Variants in OXNAD1 observed in about 807,000 individuals in gnomAD.
OXNAD1 encodes oxidoreductase NAD-binding domain-containing protein 1.
A neutral mutation model predicts 32.9 loss-of-function variants in OXNAD1; 34 were observed. That is an observed-to-expected ratio of 1.03 (90% confidence interval 0.79 to 1.38). The LOEUF (loss-of-function observed/expected upper bound fraction) is 1.38, where lower values mean the gene tolerates loss of function less well. Among genes scored for constraint, OXNAD1 ranks in the 40% most tolerant of loss-of-function variants. The pLI is 0.00. For synonymous variants in OXNAD1, 134 were observed against 135.2 expected, an observed-to-expected ratio of 0.99 and a Z score of 0.06; for missense variants, 407 against 379.4, an observed-to-expected ratio of 1.07 and a Z score of -0.60.
intron 4 of OXNAD1, chr3:16,272,277 G>A (rs998392256): frequency 1.3e-5 from 5 of 382,744 alleles, no homozygotes; most frequent in Non-Finnish European, 2.6e-5. Context: ...CCACCTGAAG[G>A]GGTGTCAAGG....
downstream of OXNAD1, among the ~76,000 whole-genome samples, chr3:16,307,642 T>C (rs564200571): frequency 2.6e-5 from 4 of 152,294 alleles, no homozygotes; most frequent in Non-Finnish European, 5.9e-5. Flanking sequence ...AGAAATTTAC[T>C]ATAAAGAGAA....
chr3:16,348,615 G>A lies in OXNAD1; in HGVS notation c.*31-561G>A, dbSNP rs566780624. 2.7e-4 allele frequency among the ~76,000 whole-genome samples: 41 copies of A among 152,238 alleles called. No homozygotes were observed. The highest frequency in any genetic ancestry group is 3.7e-4 in the Non-Finnish European group (25 of 67,996). On this transcript the variant is annotated intron_variant, in intron 9 of 9. Transcript: ENST00000606098. The surrounding 1 kb of genome is among the most constrained non-coding windows in gnomAD (Gnocchi z 6.3). ...TTCCTTTGTAGGATGTCTTCTTCCCGAGGCTCCTTGATGTGTGGGGCCTCA... is the reference window on the plus strand; with the variant it reads ...TTCCTTTGTAGGATGTCTTCTTCCCAAGGCTCCTTGATGTGTGGGGCCTCA...
chr3:16,338,087 A>T (rs527393531), downstream of OXNAD1, among the ~76,000 whole-genome samples: 3 of 152,252 alleles, frequency 2.0e-5, no homozygotes, highest in Admixed American at 2.0e-4. This position sits in a 1 kb window ranked among gnomAD's most constrained non-coding sequence, Gnocchi z 5.3. Flanking sequence ...CATGTGCAAG[A>T]TAACATTCTC....
rs2066372895 is a variant in OXNAD1, at chr3:16,290,688, T to C, written c.291-4168T>C. Among the ~76,000 whole-genome samples the C allele has an allele frequency of 1.3e-5, 2 of 152,238 alleles. No individual in the cohort carries two copies. The highest frequency in any genetic ancestry group is 2.4e-5 in the African/African-American group (1 of 41,452). On this transcript the variant is annotated intron_variant, in intron 5 of 8. Coordinates refer to ENST00000285083, the MANE Select transcript of OXNAD1 (RefSeq NM_138381.5). The surrounding 1 kb of genome is among the most constrained non-coding windows in gnomAD (Gnocchi z 4.2). ...AATGAAAAGAAAGTTAAAGTACTCA[T>C]GGAAAAGAGTCAAGTGAAAATAGGT...
chr3:16,271,757 C>T lies in OXNAD1; in HGVS notation c.183+35C>T, dbSNP rs763548735. ...TTTGGGGTATGACAGGTTTTTCCAG[C>T]TAGACCGTTTACATGTGGTTATGAC... On this transcript the variant is annotated intron_variant, in intron 4 of 8. Coordinates refer to ENST00000285083, the MANE Select transcript of OXNAD1 (RefSeq NM_138381.5). The surrounding 1 kb of genome is among the most constrained non-coding windows in gnomAD (Gnocchi z 4.6). The T allele has an allele frequency of 1.3e-6, 2 of 1,574,446 alleles. No individual in the cohort carries two copies. The highest frequency in any genetic ancestry group is 2.7e-5 in the African/African-American group (2 of 73,034).
intron 4 of OXNAD1, among the ~76,000 whole-genome samples, chr3:16,282,373 A>G (rs567319577): frequency 6.6e-6 from 1 of 152,168 alleles, no homozygotes; most frequent in East Asian, 1.9e-4. Flanking sequence ...AGCTTAAAAA[A>G]AAAAAAAAAG....
chr3:16,271,912 A>C lies in OXNAD1; in HGVS notation c.183+190A>C, dbSNP rs1358679685. On this transcript the variant is annotated intron_variant, in intron 4 of 8. Transcript: ENST00000285083. The surrounding 1 kb of genome is among the most constrained non-coding windows in gnomAD (Gnocchi z 4.6). ...TGATTTGAAAAGATGACAGATACTC[A>C]AATTTTTCCCTTTAAACTTGGAATG... is the stretch of plus-strand genomic sequence containing the variant. 5.3e-5 allele frequency among the ~76,000 whole-genome samples: 8 copies of C among 152,226 alleles called. No individual in the cohort carries two copies. The highest frequency in any genetic ancestry group is 5.2e-4 in the Admixed American group (8 of 15,284).
At position 16,321,155 on chromosome 3, in the gene OXNAD1, G is replaced by T. The variant is rs1447862318; in HGVS notation, c.*31-15957G>T. The stretch of plus-strand genomic sequence containing the variant: ...TCTAGATAGGGTGGCGGTTGGCCAG[G>T]TGGGCGAGGTATGGGGAGGGGGACA... On this transcript the variant is annotated intron_variant, in intron 9 of 9. Transcript: ENST00000435829. This position sits in a 1 kb window ranked among gnomAD's most constrained non-coding sequence, Gnocchi z 4.8. 6.6e-6 allele frequency among the ~76,000 whole-genome samples: 1 copy of T among 152,112 alleles called. No homozygotes were observed. The highest frequency in any genetic ancestry group is 1.5e-5 in the Non-Finnish European group (1 of 68,002).
chr3:16,274,571 T>G (rs780453376), intron 4 of OXNAD1, among the ~76,000 whole-genome samples: 8 of 152,250 alleles, frequency 5.3e-5, no homozygotes, highest in Non-Finnish European at 1.0e-4. Context: ...TGTCTAATCT[T>G]AGGGAAAACC....
At position 16,348,895 on chromosome 3, in the gene OXNAD1, T is replaced by A. The variant is rs1158407735; in HGVS notation, c.*31-281T>A. 1.3e-5 allele frequency among the ~76,000 whole-genome samples: 2 copies of A among 152,158 alleles called. No homozygotes were observed. The highest frequency in any genetic ancestry group is 2.9e-5 in the Non-Finnish European group (2 of 68,032). On this transcript the variant is annotated intron_variant, in intron 9 of 9. Transcript: ENST00000606098. This position sits in a 1 kb window ranked among gnomAD's most constrained non-coding sequence, Gnocchi z 6.3. ...CTGCCACTGCCACAATCCACACACA[T>A]TTCAGAACACCCGAGCAAGTGGCTG... is the stretch of plus-strand genomic sequence containing the variant.
At position 16,320,431 on chromosome 3, in the gene OXNAD1, G is replaced by T. The variant is rs2068917539; in HGVS notation, c.*31-16681G>T. ...CTATGTGTGTCCTCGCTAAGAAGCT[G>T]ATTACTCATTCATTGATTCGACAAG... On this transcript the variant is annotated intron_variant, in intron 9 of 9. Transcript: ENST00000435829. This position sits in a 1 kb window ranked among gnomAD's most constrained non-coding sequence, Gnocchi z 4.5. Among the ~76,000 whole-genome samples, 1 of 152,232 alleles carries T rather than the reference G, an allele frequency of 6.6e-6. No individual in the cohort carries two copies. The highest frequency in any genetic ancestry group is 2.4e-5 in the African/African-American group (1 of 41,458).
intron 9 of OXNAD1, among the ~76,000 whole-genome samples, chr3:16,326,569 A>G (rs968517395): frequency 3.3e-5 from 5 of 152,038 alleles, no homozygotes; most frequent in African/African-American, 1.2e-4. Flanking sequence ...CCCATGTGGG[A>G]AGAGGGGTGC....
chr3:16,266,133 A>G (rs1054724256), intron 1 of OXNAD1, among the ~76,000 whole-genome samples: 1 of 152,218 alleles, frequency 6.6e-6, no homozygotes, highest in Admixed American at 6.5e-5. Context: ...TACCTCTGGC[A>G]ACTGGATATT....
rs1219807821 is a variant in OXNAD1 at position 16,321,171 on chromosome 3, G to T, written c.*31-15941G>T. 6.6e-6 allele frequency among the ~76,000 whole-genome samples: 1 copy of T among 152,186 alleles called. No homozygotes were observed. Among genetic ancestry groups the T allele is most frequent in the Non-Finnish European group, 1.5e-5 (1 of 68,030 alleles). ...GTTGGCCAGGTGGGCGAGGTATGGG[G>T]AGGGGGACAGTCATAGGTTTCCTCG... On this transcript the variant is annotated intron_variant, in intron 9 of 9. Transcript: ENST00000435829. The surrounding 1 kb of genome is among the most constrained non-coding windows in gnomAD (Gnocchi z 4.8).
In OXNAD1 at chr3:16,288,458, A is replaced by G. The variant is rs113818208; in HGVS notation, c.290+2010A>G. 0.031 allele frequency among the ~76,000 whole-genome samples: 4,765 copies of G among 152,288 alleles called. 106 individuals are homozygous for G. The highest frequency in any genetic ancestry group is 0.082 in the Middle Eastern group (24 of 294). On this transcript the variant is annotated intron_variant, in intron 5 of 8. Coordinates refer to ENST00000285083, the MANE Select transcript of OXNAD1 (RefSeq NM_138381.5). This position sits in a 1 kb window ranked among gnomAD's most constrained non-coding sequence, Gnocchi z 5.1. ...AAACTCTGAGAATGAGGTTCCAGGCACAACTCTAACTAAATAAATGAATGT... is the reference window on the plus strand; with the variant it reads ...AAACTCTGAGAATGAGGTTCCAGGCGCAACTCTAACTAAATAAATGAATGT...
At chr3:16,315,722 C>T (rs1194478104) in intron 9 of OXNAD1, 1 of 152,230 alleles carries the variant, frequency 6.6e-6, no homozygotes, top group Non-Finnish European at 1.5e-5. Flanking sequence ...GGAACTTTGT[C>T]TTCCTCCACC....
intron 9 of OXNAD1, among the ~76,000 whole-genome samples, chr3:16,311,538 C>T (rs1330913248): frequency 6.6e-6 from 1 of 152,150 alleles, no homozygotes; most frequent in African/African-American, 2.4e-5. Flanking sequence ...GGAAAAGTTC[C>T]AGGCAATATC....
chr3:16,322,631 C>T lies in OXNAD1; in HGVS notation c.*31-14481C>T, dbSNP rs2069196777. 6.6e-6 allele frequency among the ~76,000 whole-genome samples: 1 copy of T among 152,204 alleles called. No individual in the cohort carries two copies. Among genetic ancestry groups the T allele is most frequent in the Admixed American group, 6.5e-5 (1 of 15,280 alleles). ...TCCTCAGGAAAAGCACCACAGGCTG[C>T]TCAGGGTGGGGTGGGAAGCATCAGA... is the stretch of plus-strand genomic sequence containing the variant. On this transcript the variant is annotated intron_variant, in intron 9 of 9. Transcript: ENST00000435829. The surrounding 1 kb of genome is among the most constrained non-coding windows in gnomAD (Gnocchi z 6.2).
At position 16,316,573 on chromosome 3, in the gene OXNAD1, C is replaced by T. The variant is rs2068418224; in HGVS notation, c.*30+12981C>T. 3.8e-6 allele frequency: 2 copies of T among 525,834 alleles called. No individual in the cohort carries two copies. The highest frequency in any genetic ancestry group is 6.8e-6 in the Non-Finnish European group (2 of 293,562). The allele number at this position is 525,834 out of a possible 1,614,324, so 32.6% of individuals were successfully genotyped here. On this transcript the variant is annotated intron_variant, in intron 9 of 9. Transcript: ENST00000435829. The surrounding 1 kb of genome is among the most constrained non-coding windows in gnomAD (Gnocchi z 4.5). Reference sequence around the variant, plus strand: ...GTGGAGCCAGGACTGGGCCTTCAGCCATGAGGGCTAGAATAACCTGACCTC... The same window carrying T: ...GTGGAGCCAGGACTGGGCCTTCAGCTATGAGGGCTAGAATAACCTGACCTC...
Sources: gnomAD v4.1 joint callset for allele counts (sites outside exome capture counted in the v4.1 genomes callset) on GRCh38, gnomAD v4.1.1 for gene constraint, Gnocchi (gnomAD v3.1) non-coding constraint, MANE v1.5 for transcripts, NCBI Gene and HGNC (gene_info 2026-07-23, HGNC 2026-07-21) for gene names.